PIP4K2A: variants seen among roughly 807,000 people sequenced by gnomAD.
PIP4K2A encodes phosphatidylinositol-5-phosphate 4-kinase type 2 alpha.
Under a neutral mutation model 42.9 loss-of-function variants are expected in PIP4K2A, and 14 were observed. The ratio of observed to expected loss-of-function variants is 0.33; its 90% CI spans 0.22 to 0.51. The LOEUF (loss-of-function observed/expected upper bound fraction) is 0.51, where lower values mean the gene tolerates loss of function less well. PIP4K2A is among the 20% of genes least tolerant of loss of function. The pLI, the probability that PIP4K2A is intolerant of heterozygous loss-of-function variation, is 0.97. For missense variants in PIP4K2A, 434 were observed against 519.8 expected (o/e 0.83, Z 1.61); for synonymous variants, 192 against 192.2 (o/e 1.00, Z 0.01).
chr10:22,550,668 C>CT lies in PIP4K2A; in HGVS notation c.782dup (p.Asp262GlyfsTer3), dbSNP rs1202742370. ...CACTGACTGTTCTTACCTCAACATC[C>CT]TTTTTTAGTTTTTCCAGGAAGACCT... On this transcript the variant is annotated frameshift_variant, in exon 7 of 10. Coordinates refer to ENST00000376573, the MANE Select transcript of PIP4K2A (RefSeq NM_005028.5). LOFTEE classifies it high-confidence loss of function. 3 of 1,545,296 alleles carry CT rather than the reference C, an allele frequency of 1.9e-6. No homozygotes were observed. Among genetic ancestry groups the CT allele is most frequent in the African/African-American group, 1.4e-5 (1 of 73,948 alleles).
At chr10:22,553,164 C>T (rs764361174) in intron 6 of PIP4K2A, among the ~76,000 whole-genome samples, 1 of 152,130 alleles carries the variant, frequency 6.6e-6, no homozygotes, top group Non-Finnish European at 1.5e-5. Flanking sequence ...AAAAAGGGCA[C>T]CCAGATTGGC....
In PIP4K2A at chr10:22,573,371, C is replaced by T; in HGVS notation, c.579G>A (p.Val193=). The T allele has an allele frequency of 1.2e-6, 2 of 1,613,452 alleles. No homozygotes were observed. Among genetic ancestry groups the T allele is most frequent in the Non-Finnish European group, 1.7e-6 (2 of 1,179,368 alleles). Residue 193 remains valine, a synonymous_variant, in exon 5 of 10, where the codon GTG becomes GTA. Coordinates refer to ENST00000376573, the MANE Select transcript of PIP4K2A (RefSeq NM_005028.5). ...GGCTGAATACATTTCTTGTAACTAT[C>T]ACATATATTTCAACTCCATCAACAT... ...RLNVDGVEIY[V]IVTRNVFSHR...
chr10:22,539,354 CAT>C (rs1836025293), intron 9 of PIP4K2A: 1 of 152,298 alleles, frequency 6.6e-6, no homozygotes, highest in Non-Finnish European at 1.5e-5. Flanking sequence ...AATAGCTTAA[CAT>C]ATGGCTAGAG....
chr10:22,608,332 G>A (rs1188881965), intron 2 of PIP4K2A, among the ~76,000 whole-genome samples: 2 of 152,176 alleles, frequency 1.3e-5, no homozygotes, highest in African/African-American at 2.4e-5. Context: ...GGCAGGGGGA[G>A]CAGTGAGGGA....
At chr10:22,537,309 T>C in intron 9 of PIP4K2A, 28 bp from the exon 10 acceptor site, 4 of 1,526,342 alleles carry the variant, frequency 2.6e-6, no homozygotes, top group Non-Finnish European at 3.6e-6. Context: ...AAGGAAATAT[T>C]GACATAGTGT....
chr10:22,696,042 A>G (rs531532472), intron 1 of PIP4K2A, among the ~76,000 whole-genome samples: 1 of 152,314 alleles, frequency 6.6e-6, no homozygotes, highest in African/African-American at 2.4e-5. Flanking sequence ...AGGTGTAAGT[A>G]GAAAGCAAAA....
At position 22,651,421 on chromosome 10, in the gene PIP4K2A, T is replaced by C. The variant is rs145026145; in HGVS notation, c.145-41704A>G. 2.0e-3 allele frequency among the ~76,000 whole-genome samples: 304 copies of C among 152,286 alleles called. 2 individuals are homozygous for C. The highest frequency in any genetic ancestry group is 6.6e-3 in the African/African-American group (276 of 41,562). On this transcript the variant is annotated intron_variant, in intron 1 of 9. Transcript: ENST00000376573. Reference sequence around the variant, plus strand: ...GTCCCCAACTCTATGCCCTGTGGCCTTTCACTCCGATCACCCCGGCCTTTG... The same window carrying C: ...GTCCCCAACTCTATGCCCTGTGGCCCTTCACTCCGATCACCCCGGCCTTTG...
intron 1 of PIP4K2A, among the ~76,000 whole-genome samples, chr10:22,680,878 C>T (rs1839646357): frequency 6.6e-6 from 1 of 152,150 alleles, no homozygotes; most frequent in African/African-American, 2.4e-5. Context: ...CAACTTGACC[C>T]CAACAAGCCA....
intron 4 of PIP4K2A, among the ~76,000 whole-genome samples, chr10:22,587,712 T>C (rs1325850176): frequency 6.6e-6 from 1 of 152,164 alleles, no homozygotes; most frequent in African/African-American, 2.4e-5. Context: ...GGAAGTGGCA[T>C]ACAAGAAGAA....
intron 1 of PIP4K2A, among the ~76,000 whole-genome samples, chr10:22,689,590 C>T (rs542566621): frequency 6.6e-6 from 1 of 152,236 alleles, no homozygotes; most frequent in South Asian, 2.1e-4. Context: ...AACATCATGC[C>T]ATTTTGTATC....
At chr10:22,551,134 C>G (rs917785465) in intron 6 of PIP4K2A, among the ~76,000 whole-genome samples, 1 of 152,322 alleles carries the variant, frequency 6.6e-6, no homozygotes, top group South Asian at 2.1e-4. Flanking sequence ...TCTTGGAATA[C>G]TTTCCCAGGA....
intron 1 of PIP4K2A, among the ~76,000 whole-genome samples, chr10:22,664,067 ATATATATACG>A (rs1252002621): frequency 2.2e-5 from 2 of 90,212 alleles, no homozygotes; most frequent in African/African-American, 1.4e-4. Context: ...ATATACATAT[ATATATATACG>A]TATATATATA....
chr10:22,681,662 A>G (rs986052946), intron 1 of PIP4K2A, among the ~76,000 whole-genome samples: 4 of 152,154 alleles, frequency 2.6e-5, no homozygotes, highest in African/African-American at 9.7e-5. Context: ...GTGACAGAGC[A>G]AGACCCTATT....
At position 22,565,928 on chromosome 10, in the gene PIP4K2A, G is replaced by T. The variant is rs199883986; in HGVS notation, c.678+1923C>A. Among the ~76,000 whole-genome samples, 4 of 152,266 alleles carry T rather than the reference G, an allele frequency of 2.6e-5. No individual in the cohort carries two copies. The East Asian group carries it at 5.8e-4, about 22-fold the overall frequency. ...ATAGCGCTCCCAGGCTTATTAGGAA[G>T]AGGAAATTCCCACCTAATAAATTTT... On this transcript the variant is annotated intron_variant, in intron 6 of 9. Transcript: ENST00000376573.
intron 1 of PIP4K2A, among the ~76,000 whole-genome samples, chr10:22,713,249 G>A (rs915646501): frequency 1.3e-5 from 2 of 152,174 alleles, no homozygotes; most frequent in Non-Finnish European, 2.9e-5. Flanking sequence ...CGCATAGCCC[G>A]CAGCGGCGCA....
intron 4 of PIP4K2A, among the ~76,000 whole-genome samples, chr10:22,575,417 A>C (rs1268954861): frequency 6.6e-6 from 1 of 152,138 alleles, no homozygotes; most frequent in East Asian, 1.9e-4. Context: ...GAATCCCGCC[A>C]TTCCTCTCTG....
intron 5 of PIP4K2A, 128 bp from the exon 6 acceptor site, chr10:22,568,017 C>T (rs2296624): frequency 0.3 from 244,514 of 810,902 alleles, 38,510 homozygotes; most frequent in East Asian, 0.39. Context: ...GCAGCCCATG[C>T]GGAATGGGCT....
rs140079510 is a variant in PIP4K2A at position 22,547,363 on chromosome 10, T to C, written c.792+3296A>G. Among the ~76,000 whole-genome samples the C allele has an allele frequency of 1.1e-3, 164 of 152,356 alleles. 1 individual carries two copies. Among genetic ancestry groups the C allele is most frequent in the Non-Finnish European group, 1.9e-3 (126 of 68,034 alleles). ...GTCAGAGTAGTTAAGGACTGTGCCC[T>C]CTGAGGGCCTGACGCCCCAGTCTGA... On this transcript the variant is annotated intron_variant, in intron 7 of 9. Transcript: ENST00000376573.
intron 7 of PIP4K2A, among the ~76,000 whole-genome samples, chr10:22,548,739 T>C (rs1588617528): frequency 6.6e-6 from 1 of 152,006 alleles, no homozygotes; most frequent in East Asian, 1.9e-4. Flanking sequence ...TGTATCGTTT[T>C]GTTTGTTTGA....
Sources: allele counts gnomAD v4.1 joint callset (sites outside exome capture counted in the v4.1 genomes callset), GRCh38; gene constraint gnomAD v4.1.1; transcripts MANE v1.5; gene names NCBI Gene and HGNC (gene_info 2026-07-23, HGNC 2026-07-21).